Variants in LPP observed in about 807,000 individuals in gnomAD.
The protein encoded by LPP is lipoma-preferred partner.
In LPP, 38 loss-of-function variants were observed where a neutral mutation model predicts 60.4. The ratio of observed to expected loss-of-function variants is 0.63; its 90% confidence interval spans 0.49 to 0.83. The LOEUF is 0.83. Ranked by LOEUF, LPP falls within the 40% of genes least tolerant of loss-of-function variation. The pLI is 0.00. For synonymous variants in LPP, 328 were observed against 290.8 expected, an observed-to-expected ratio of 1.13 and a Z score of -1.30; for missense variants, 902 against 783.6, an observed-to-expected ratio of 1.15 and a Z score of -1.80.
At chr3:188,761,489 G>A (rs374229118) in intron 9 of LPP, among the ~76,000 whole-genome samples, 3 of 152,154 alleles carry the variant, frequency 2.0e-5, no homozygotes, top group Admixed American at 6.5e-5. Flanking sequence ...TTAAACACAT[G>A]TAGAGCCATA....
chr3:188,372,883 G>T (rs1385271298), intron 3 of LPP, among the ~76,000 whole-genome samples: 1 of 151,906 alleles, frequency 6.6e-6, no homozygotes, highest in Non-Finnish European at 1.5e-5. Flanking sequence ...ACAGGCCCCG[G>T]TGTGTGATGT....
intron 7 of LPP, among the ~76,000 whole-genome samples, chr3:188,614,238 T>C (rs1474547355): frequency 6.6e-6 from 1 of 152,124 alleles, no homozygotes; most frequent in Non-Finnish European, 1.5e-5. Flanking sequence ...CCTGTTTTAA[T>C]TTTTGAAAAG....
At chr3:188,384,215 C>T (rs1038381827) in intron 3 of LPP, among the ~76,000 whole-genome samples, 1 of 151,906 alleles carries the variant, frequency 6.6e-6, no homozygotes, top group Non-Finnish European at 1.5e-5. Context: ...GAGTTTATGC[C>T]TTCTTTCTTT....
At chr3:188,274,387 G>C (rs1392852311) in intron 2 of LPP, among the ~76,000 whole-genome samples, 1 of 152,186 alleles carries the variant, frequency 6.6e-6, no homozygotes, top group Non-Finnish European at 1.5e-5. Flanking sequence ...AATTCCTTGA[G>C]GTCAAGAGCT....
At chr3:188,796,154 A>C (rs1745280082) in intron 9 of LPP, among the ~76,000 whole-genome samples, 1 of 152,216 alleles carries the variant, frequency 6.6e-6, no homozygotes, top group Non-Finnish European at 1.5e-5. Context: ...ATTAAAACAC[A>C]GGAACCTGAC....
At chr3:188,775,926 T>C (rs529820910) in intron 9 of LPP, among the ~76,000 whole-genome samples, 2 of 152,372 alleles carry the variant, frequency 1.3e-5, no homozygotes, top group African/African-American at 4.8e-5. Context: ...TGTCTCCACT[T>C]CCTTGGGAAA....
At chr3:188,405,527 C>T (rs1404392718) in intron 3 of LPP, among the ~76,000 whole-genome samples, 1 of 152,086 alleles carries the variant, frequency 6.6e-6, no homozygotes, top group Non-Finnish European at 1.5e-5. Context: ...CCCTACTTAG[C>T]ACTCAAACCC....
intron 2 of LPP, among the ~76,000 whole-genome samples, chr3:188,322,945 C>A (rs758065180): frequency 6.6e-6 from 1 of 152,064 alleles, no homozygotes; most frequent in African/African-American, 2.4e-5. Context: ...TGGTGATGGA[C>A]CAATAGTCAT....
chr3:188,511,975 C>T (rs759659080), intron 5 of LPP, among the ~76,000 whole-genome samples: 1 of 152,042 alleles, frequency 6.6e-6, no homozygotes, highest in South Asian at 2.1e-4. Context: ...TACGAGATGT[C>T]GTTTTGGAAA....
intron 4 of LPP, among the ~76,000 whole-genome samples, chr3:188,431,060 C>A (rs1252714015): frequency 6.6e-6 from 1 of 152,012 alleles, no homozygotes; most frequent in Non-Finnish European, 1.5e-5. Flanking sequence ...AGCAGCTTAT[C>A]TCATACAGTT....
chr3:188,207,359 A>G (rs1733576054), intron 1 of LPP, among the ~76,000 whole-genome samples: 1 of 151,376 alleles, frequency 6.6e-6, no homozygotes, highest in South Asian at 2.1e-4. Context: ...AGCCCCCTGA[A>G]TAGCTGGGAT....
At chr3:188,201,828 C>T (rs1196319041) in intron 1 of LPP, among the ~76,000 whole-genome samples, 4 of 152,082 alleles carry the variant, frequency 2.6e-5, no homozygotes, top group Non-Finnish European at 5.9e-5. Context: ...TACATGAAGA[C>T]ACCACAGATA....
chr3:188,307,264 T>C (rs572820086), intron 2 of LPP, among the ~76,000 whole-genome samples: 2 of 152,316 alleles, frequency 1.3e-5, no homozygotes, highest in African/African-American at 4.8e-5. Flanking sequence ...GCCTGTTCTC[T>C]TTTAAAATCA....
intron 8 of LPP, among the ~76,000 whole-genome samples, chr3:188,757,889 G>GTTTTTTT (rs750488243): frequency 0.17 from 12,696 of 76,914 alleles, 1,431 homozygotes; most frequent in Non-Finnish European, 0.23. Context: ...TGTTTTTTTG[G>GTTTTTTT]TTTTTTTTTT....
chr3:188,427,920 C>T (rs1291224256), intron 4 of LPP, among the ~76,000 whole-genome samples: 8 of 151,902 alleles, frequency 5.3e-5, no homozygotes, highest in Non-Finnish European at 1.0e-4. Context: ...GGGGAGTGAA[C>T]GGTTCTGTCT....
intron 9 of LPP, among the ~76,000 whole-genome samples, chr3:188,792,971 A>C (rs1208294012): frequency 6.6e-6 from 1 of 152,076 alleles, no homozygotes; most frequent in Admixed American, 6.6e-5. Context: ...GCTTCCGCAG[A>C]GGGGAAGAAG....
intron 8 of LPP, among the ~76,000 whole-genome samples, chr3:188,715,785 A>G (rs542223910): frequency 3.5e-4 from 54 of 152,340 alleles, no homozygotes; most frequent in Admixed American, 1.4e-3. Context: ...CTTTTCATAC[A>G]TGCATGTCTG....
At chr3:188,755,784 T>C (rs1729944843) in intron 8 of LPP, among the ~76,000 whole-genome samples, 1 of 86,878 alleles carries the variant, frequency 1.2e-5, no homozygotes, top group African/African-American at 4.6e-5. Context: ...CCCTCCAGCC[T>C]GGGCAACAGA....
intron 1 of LPP, among the ~76,000 whole-genome samples, chr3:188,199,750 G>T (rs1302826191): frequency 1.3e-5 from 2 of 148,896 alleles, no homozygotes; most frequent in African/African-American, 5.0e-5. Flanking sequence ...TTTTCCTGTT[G>T]CCTACCTAGG....
Sources: gnomAD v4.1 joint callset for allele counts (sites outside exome capture counted in the v4.1 genomes callset) on GRCh38, gnomAD v4.1.1 for gene constraint, MANE v1.5 for transcripts, NCBI Gene and HGNC (gene_info 2026-07-23, HGNC 2026-07-21) for gene names.